Variants in OR3A2 observed in about 807,000 individuals in gnomAD.
OR3A2 encodes the protein olfactory receptor family 3 subfamily A member 2.
For synonymous variants in OR3A2, 126 were observed against 159.3 expected, an observed-to-expected ratio of 0.79 and a Z score of 1.57; for missense variants, 318 against 392.8, an observed-to-expected ratio of 0.81 and a Z score of 1.61.
intron 3 of OR3A2, among the ~76,000 whole-genome samples, chr17:3,325,934 T>C (rs2049167865): frequency 6.6e-6 from 1 of 152,040 alleles, no homozygotes. Flanking sequence ...TTCCTGATGC[T>C]CTCCCTTCCC....
intron 3 of OR3A2, among the ~76,000 whole-genome samples, chr17:3,315,822 GT>G (rs1365300025): frequency 6.6e-6 from 1 of 150,502 alleles, no homozygotes; most frequent in African/African-American, 2.4e-5. Context: ...AGCCTTCAGA[GT>G]GTCCCGTCAT....
intron 2 of OR3A2, among the ~76,000 whole-genome samples, chr17:3,337,597 C>A (rs2049283117): frequency 1.3e-5 from 2 of 152,162 alleles, no homozygotes; most frequent in African/African-American, 4.8e-5. Flanking sequence ...TTACAAAGGA[C>A]ATGAACTCAT....
chr17:3,339,777 C>T (rs2049301703), intron 2 of OR3A2, among the ~76,000 whole-genome samples: 1 of 152,250 alleles, frequency 6.6e-6, no homozygotes, highest in Admixed American at 6.5e-5. Flanking sequence ...CAGGATGATG[C>T]TGGCCTCATA....
At chr17:3,309,619 G>C (rs2049024674) in intron 3 of OR3A2, among the ~76,000 whole-genome samples, 1 of 152,148 alleles carries the variant, frequency 6.6e-6, no homozygotes, top group Non-Finnish European at 1.5e-5. Flanking sequence ...TCTATACGGA[G>C]AAATGCAATG....
At chr17:3,314,793 C>A (rs1846153836) in intron 3 of OR3A2, among the ~76,000 whole-genome samples, 2 of 152,306 alleles carry the variant, frequency 1.3e-5, no homozygotes, top group African/African-American at 4.8e-5. Context: ...GATTCCATCA[C>A]CTTGGTCATG....
At chr17:3,309,246 G>A (rs2150629859) in intron 3 of OR3A2, among the ~76,000 whole-genome samples, 1 of 152,254 alleles carries the variant, frequency 6.6e-6, no homozygotes, top group East Asian at 1.9e-4. Flanking sequence ...GAAAAGAAAA[G>A]CATTACCTAA....
chr17:3,301,251 C>T lies in OR3A2; in HGVS notation c.-84-22098G>A, dbSNP rs62089537. On this transcript the variant is annotated intron_variant, in intron 3 of 4. Transcript: ENST00000573491. ...CAAATGGTATTTCTGGTTCTAGTTC[C>T]GTGAGGAATCGCCACACTGTCTTCC... 3.9e-5 allele frequency among the ~76,000 whole-genome samples: 6 copies of T among 152,300 alleles called. 1 individual carries two copies. In the South Asian group the frequency reaches 6.2e-4, roughly 16 times the overall value.
At chr17:3,306,959 A>G (rs527805115) in intron 3 of OR3A2, among the ~76,000 whole-genome samples, 1 of 152,296 alleles carries the variant, frequency 6.6e-6, no homozygotes, top group East Asian at 1.9e-4. Context: ...GTTCAACTGG[A>G]TTTACACACG....
intron 3 of OR3A2, among the ~76,000 whole-genome samples, chr17:3,298,902 T>G (rs867080062): frequency 2.0e-5 from 3 of 152,280 alleles, no homozygotes; most frequent in Middle Eastern, 3.4e-3. Flanking sequence ...ATCTCAGAAT[T>G]AGCCCTTCCA....
At chr17:3,287,540 C>T (rs1361200606), upstream of OR3A2, among the ~76,000 whole-genome samples, 1 of 152,170 alleles carries the variant, frequency 6.6e-6, no homozygotes, top group African/African-American at 2.4e-5. Context: ...CTGTTAGTGT[C>T]AACATCTAGT....
chr17:3,341,491 T>C, intron 2 of OR3A2, among the ~76,000 whole-genome samples: 1 of 152,218 alleles, frequency 6.6e-6, no homozygotes, highest in Non-Finnish European at 1.5e-5. Flanking sequence ...TTTGCTTGTC[T>C]GTAAAGGATT....
At chr17:3,363,869 A>G (rs1268988881) in intron 2 of OR3A2, among the ~76,000 whole-genome samples, 1 of 152,192 alleles carries the variant, frequency 6.6e-6, no homozygotes, top group Non-Finnish European at 1.5e-5. Flanking sequence ...TGGCAGGAGA[A>G]AGAGAGAGAA....
intron 3 of OR3A2, among the ~76,000 whole-genome samples, chr17:3,328,016 C>T (rs1385342745): frequency 7.0e-6 from 1 of 142,688 alleles, no homozygotes; most frequent in Non-Finnish European, 1.5e-5. Flanking sequence ...GTTCTTTTGG[C>T]TTAGGATTGC....
rs186839765 is a variant in OR3A2, at chr17:3,358,732, A to G, written c.-178-22606T>C. 3.3e-5 allele frequency among the ~76,000 whole-genome samples: 5 copies of G among 151,870 alleles called. No homozygotes were observed. The East Asian group carries it at 9.6e-4, about 29-fold the overall frequency. On this transcript the variant is annotated intron_variant, in intron 2 of 4. Coordinates refer to the OR3A2 transcript ENST00000573491. Reference sequence around the variant, plus strand: ...AATTTTCGAGTATGTGCCATGTGGCAACAAGAAGAATGTATATTCTATTGT... The same window carrying G: ...AATTTTCGAGTATGTGCCATGTGGCGACAAGAAGAATGTATATTCTATTGT...
chr17:3,379,643 G>A (rs1255248762), intron 2 of OR3A2, among the ~76,000 whole-genome samples: 1 of 152,176 alleles, frequency 6.6e-6, no homozygotes, highest in Non-Finnish European at 1.5e-5. Flanking sequence ...GCTCACAGTG[G>A]AATTAGGAGG....
At chr17:3,306,223 C>T (rs1162798811) in intron 3 of OR3A2, among the ~76,000 whole-genome samples, 1 of 152,176 alleles carries the variant, frequency 6.6e-6, no homozygotes, top group African/African-American at 2.4e-5. Flanking sequence ...GCCATCATAG[C>T]TCAACGCAGC....
At chr17:3,376,988 A>G (rs2049690721) in intron 2 of OR3A2, among the ~76,000 whole-genome samples, 1 of 152,158 alleles carries the variant, frequency 6.6e-6, no homozygotes, top group South Asian at 2.1e-4. Context: ...CTTCTCTCCC[A>G]TGATCTGATT....
chr17:3,298,131 G>A (rs2048934778), intron 3 of OR3A2, among the ~76,000 whole-genome samples: 1 of 152,118 alleles, frequency 6.6e-6, no homozygotes, highest in South Asian at 2.1e-4. Flanking sequence ...AGGAATGGTA[G>A]ACCCTATGAA....
chr17:3,344,889 G>A (rs1327073042), intron 2 of OR3A2, among the ~76,000 whole-genome samples: 1 of 152,152 alleles, frequency 6.6e-6, no homozygotes, highest in Non-Finnish European at 1.5e-5. Flanking sequence ...GCCTGTAATG[G>A]GAAGAGCAGT....
Sources: allele counts gnomAD v4.1 joint callset (sites outside exome capture counted in the v4.1 genomes callset), GRCh38; gene constraint gnomAD v4.1.1; transcripts MANE v1.5; gene names NCBI Gene and HGNC (gene_info 2026-07-23, HGNC 2026-07-21).